PDE11A: variants seen among roughly 807,000 people sequenced by gnomAD.
PDE11A encodes the protein phosphodiesterase 11A, also known as dual 3',5'-cyclic-AMP and -GMP phosphodiesterase 11A.
Under a neutral mutation model 100.5 loss-of-function variants are expected in PDE11A, and 100 were observed. That is an observed-to-expected ratio of 1.00 (90% CI 0.85 to 1.18). The LOEUF (loss-of-function observed/expected upper bound fraction) is 1.18, where lower values mean the gene tolerates loss of function less well. PDE11A is among the 50% of genes most tolerant of loss of function. The pLI, the probability that PDE11A is intolerant of heterozygous loss-of-function variation, is 0.00. For synonymous variants in PDE11A, 381 were observed against 420.8 expected (o/e 0.91, Z 1.16); for missense variants, 1,141 against 1,152.6 (o/e 0.99, Z 0.15).
At chr2:177,816,447 C>T (rs1449862012) in intron 9 of PDE11A, among the ~76,000 whole-genome samples, 2 of 129,240 alleles carry the variant, frequency 1.5e-5, no homozygotes, top group Non-Finnish European at 3.2e-5. Flanking sequence ...GTCATATATC[C>T]TTGTAGTGAA....
chr2:177,672,433 C>T (rs563136277), intron 17 of PDE11A, among the ~76,000 whole-genome samples: 1 of 152,120 alleles, frequency 6.6e-6, no homozygotes, highest in Admixed American at 6.5e-5. Flanking sequence ...TTGACTAATA[C>T]AAAAATTGGT....
intron 6 of PDE11A, among the ~76,000 whole-genome samples, chr2:177,832,356 G>A (rs1482036519): frequency 2.0e-5 from 3 of 152,138 alleles, no homozygotes; most frequent in Admixed American, 6.6e-5. Flanking sequence ...TATAAAGCAG[G>A]CATAAAAATG....
At chr2:178,007,320 G>T (rs564440986) in intron 2 of PDE11A, among the ~76,000 whole-genome samples, 1 of 152,198 alleles carries the variant, frequency 6.6e-6, no homozygotes, top group Non-Finnish European at 1.5e-5. Flanking sequence ...GTAGAAAGCT[G>T]CAGTGCCACT....
chr2:177,762,394 G>C (rs1202496861), intron 10 of PDE11A, among the ~76,000 whole-genome samples: 1 of 152,116 alleles, frequency 6.6e-6, no homozygotes, highest in Non-Finnish European at 1.5e-5. Context: ...CTAATTAGAG[G>C]AAAACTAAAA....
At chr2:177,934,201 C>T (rs374872716) in intron 2 of PDE11A, among the ~76,000 whole-genome samples, 2 of 152,054 alleles carry the variant, frequency 1.3e-5, no homozygotes, top group African/African-American at 4.8e-5. Flanking sequence ...TAAACAGACC[C>T]TACACAATGG....
chr2:177,936,965 T>G (rs766458905), intron 2 of PDE11A, among the ~76,000 whole-genome samples: 8 of 152,152 alleles, frequency 5.3e-5, no homozygotes, highest in Non-Finnish European at 1.0e-4. Context: ...AATATTTATA[T>G]TTTAATATCT....
chr2:178,105,134 T>C (rs75296664), intron 1 of PDE11A, among the ~76,000 whole-genome samples: 7,224 of 152,292 alleles, frequency 0.047, 271 homozygotes, highest in Middle Eastern at 0.13. Context: ...CATTTAATAC[T>C]AATGTAGTGG....
chr2:177,701,064 A>C (rs2081188889), intron 14 of PDE11A, 57 bp downstream of exon 14: 1 of 947,166 alleles, frequency 1.1e-6, no homozygotes, highest in Non-Finnish European at 1.7e-6. Context: ...GAGAGGGAGG[A>C]AACAAAGAGT....
At chr2:177,933,722 T>G (rs1229643615) in intron 2 of PDE11A, among the ~76,000 whole-genome samples, 1 of 151,924 alleles carries the variant, frequency 6.6e-6, no homozygotes, top group Non-Finnish European at 1.5e-5. Flanking sequence ...TTACTCAACT[T>G]CACACTATCA....
chr2:178,071,743 A>T lies in PDE11A; in HGVS notation c.695T>A (p.Met232Lys). 3 of 1,614,136 alleles carry T rather than the reference A, an allele frequency of 1.9e-6. No individual in the cohort carries two copies. Among genetic ancestry groups the T allele is most frequent in the Non-Finnish European group, 2.5e-6 (3 of 1,179,954 alleles). Reference sequence around the variant, plus strand: ...AAGAGAGCAGCGGTCAGCATCCACCATAAGGCAGACAAAGATGAGAATCTT... The same window carrying T: ...AAGAGAGCAGCGGTCAGCATCCACCTTAAGGCAGACAAAGATGAGAATCTT... ...SYKILIFVCL[M>K]VDADRCSLFL... The change falls in exon 1 of 20, where the codon ATG (methionine) becomes AAG (lysine). Residue 232 changes from methionine (M) to lysine (K), a missense_variant. Physicochemically the swap from Met to Lys is moderately conservative, Grantham distance 95 (BLOSUM62 -1). Coordinates refer to ENST00000286063, the MANE Select transcript of PDE11A (RefSeq NM_016953.4).
intron 5 of PDE11A, among the ~76,000 whole-genome samples, chr2:177,869,159 A>G (rs891349010): frequency 6.6e-6 from 1 of 152,216 alleles, no homozygotes; most frequent in African/African-American, 2.4e-5. Context: ...TTCATTTCCC[A>G]TTTCTGCATA....
At chr2:178,091,211 C>T (rs2087418520) in intron 2 of PDE11A, among the ~76,000 whole-genome samples, 1 of 152,242 alleles carries the variant, frequency 6.6e-6, no homozygotes, top group East Asian at 1.9e-4. Flanking sequence ...GCTGGGACTA[C>T]AGGCACGTAC....
intron 13 of PDE11A, among the ~76,000 whole-genome samples, chr2:177,702,005 C>T (rs2081203968): frequency 6.6e-6 from 1 of 152,092 alleles, no homozygotes. Flanking sequence ...TTTGAAAATG[C>T]CTATTACAGT....
intron 9 of PDE11A, among the ~76,000 whole-genome samples, chr2:177,815,364 TCTG>T (rs2083019995): frequency 6.6e-6 from 1 of 152,234 alleles, no homozygotes; most frequent in Non-Finnish European, 1.5e-5. Context: ...TGAAAATAGT[TCTG>T]CACACAGACC....
chr2:177,784,663 T>C (rs1359155914), intron 9 of PDE11A, among the ~76,000 whole-genome samples: 1 of 152,242 alleles, frequency 6.6e-6, no homozygotes, highest in Non-Finnish European at 1.5e-5. Flanking sequence ...CTTTATACTT[T>C]ATTGCTGGCT....
chr2:177,858,540 A>T (rs2083885791), intron 5 of PDE11A, among the ~76,000 whole-genome samples: 1 of 152,142 alleles, frequency 6.6e-6, no homozygotes, highest in African/African-American at 2.4e-5. Flanking sequence ...TCAAAACCAC[A>T]ATGAGATACC....
chr2:177,681,950 G>T (rs902328051), intron 15 of PDE11A, among the ~76,000 whole-genome samples: 5 of 152,168 alleles, frequency 3.3e-5, no homozygotes, highest in African/African-American at 1.2e-4. Flanking sequence ...CTCTTTTGGA[G>T]AAAATCTACA....
intron 1 of PDE11A, among the ~76,000 whole-genome samples, chr2:178,026,660 C>CAA (rs67326972): frequency 7.4e-5 from 8 of 108,004 alleles, no homozygotes; most frequent in African/African-American, 2.9e-4. Context: ...GACTCTGTCT[C>CAA]AAAAAAAAAA....
chr2:178,072,002 G>A lies in PDE11A; in HGVS notation c.436C>T (p.Gln146Ter). The A allele has an allele frequency of 6.2e-7, 1 of 1,614,132 alleles. No homozygotes were observed. The highest frequency in any genetic ancestry group is 1.1e-5 in the South Asian group (1 of 91,072). ...TYDEQVTSRAQEPLSSVRRRA... is the reference protein window; with the variant it reads ...TYDEQVTSRA ...CGTCGTACACTACTCAGGGGTTCCT[G>A]AGCCCGGGAGGTCACCTGTTCATCG... The change falls in exon 1 of 20, where the codon CAG (glutamine) becomes TAG (stop). Residue 146 changes from glutamine (Q) to a stop codon, truncating the protein, a stop_gained. Coordinates refer to ENST00000286063, the MANE Select transcript of PDE11A (RefSeq NM_016953.4). LOFTEE classifies it high-confidence loss of function.
Sources: gnomAD v4.1 joint callset for allele counts (sites outside exome capture counted in the v4.1 genomes callset) on GRCh38, gnomAD v4.1.1 for gene constraint, MANE v1.5 for transcripts, NCBI Gene and HGNC (gene_info 2026-07-23, HGNC 2026-07-21) for gene names.